PRKN: variants seen among roughly 807,000 people sequenced by gnomAD.
PRKN encodes the protein parkin RBR E3 ubiquitin protein ligase.
A neutral mutation model predicts 59.5 loss-of-function variants in PRKN; 56 were observed. The observed-to-expected ratio is 0.94, with a 90% CI of 0.76 to 1.18. PRKN has a LOEUF of 1.18. Ranked by LOEUF, PRKN falls within the 50% of genes most tolerant of loss-of-function variation. The pLI is 0.00. For missense variants in PRKN, 657 were observed against 596.4 expected, an observed-to-expected ratio of 1.10 and a Z score of -1.06; for synonymous variants, 250 against 222.1, an observed-to-expected ratio of 1.13 and a Z score of -1.12.
At chr6:162,251,280 G>GA (rs1779421413) in intron 3 of PRKN, among the ~76,000 whole-genome samples, 1 of 152,130 alleles carries the variant, frequency 6.6e-6, no homozygotes, top group Admixed American at 6.6e-5. Context: ...GGAGGATCAG[G>GA]AGACAGGAAA....
At chr6:162,485,820 T>C (rs1484449338) in intron 1 of PRKN, among the ~76,000 whole-genome samples, 1 of 152,218 alleles carries the variant, frequency 6.6e-6, no homozygotes, top group Non-Finnish European at 1.5e-5. Flanking sequence ...ACAGTCACAC[T>C]GACAGAAATG....
At chr6:162,386,682 G>A (rs1266735672) in intron 2 of PRKN, among the ~76,000 whole-genome samples, 3 of 152,202 alleles carry the variant, frequency 2.0e-5, no homozygotes, top group East Asian at 1.9e-4. Flanking sequence ...GTGTACGTAC[G>A]TGTGCACATA....
Position 161,454,179 on chromosome 6 carries a change from G to A in PRKN, c.1084-67302C>T, listed in dbSNP as rs575255058. On this transcript the variant is annotated intron_variant, in intron 9 of 11. Transcript: ENST00000366898. The surrounding 1 kb of genome is among the most constrained non-coding windows in gnomAD (Gnocchi z 4.6). ...CTAGGGTTGCCAGCAGCATTTTGGC[G>A]ATGTCCCCTTGGGTCACAGAACGGC... is the stretch of plus-strand genomic sequence containing the variant. Among the ~76,000 whole-genome samples the A allele has an allele frequency of 2.4e-4, 36 of 152,260 alleles. No homozygotes were observed. The highest frequency in any genetic ancestry group is 6.8e-3 in the Middle Eastern group (2 of 294).
intron 7 of PRKN, among the ~76,000 whole-genome samples, chr6:161,680,746 T>TATATATAC (rs1785295129): frequency 1.2e-4 from 1 of 8,582 alleles, no homozygotes; most frequent in Non-Finnish European, 2.8e-4. Flanking sequence ...TATATATATA[T>TATATATAC]ATATATATAT....
At chr6:162,623,409 A>C (rs2128221281) in intron 1 of PRKN, among the ~76,000 whole-genome samples, 1 of 152,330 alleles carries the variant, frequency 6.6e-6, no homozygotes, top group Non-Finnish European at 1.5e-5. Flanking sequence ...ACGCTCCAGA[A>C]TTTAAAGTTC....
chr6:162,520,146 G>C (rs1315029429), intron 1 of PRKN, among the ~76,000 whole-genome samples: 1 of 152,016 alleles, frequency 6.6e-6, no homozygotes, highest in Non-Finnish European at 1.5e-5. Context: ...TTTTGGATTT[G>C]CAAATCAGTT....
At chr6:161,680,775 A>ATATATATATTTTTT (rs1216235673) in intron 7 of PRKN, among the ~76,000 whole-genome samples, 1 of 30,622 alleles carries the variant, frequency 3.3e-5, no homozygotes, top group Admixed American at 5.1e-4. Context: ...ATATATATAT[A>ATATATATATTTTTT]TTTTTTTTTT....
chr6:162,113,190 G>A (rs1780516235), intron 4 of PRKN, among the ~76,000 whole-genome samples: 2 of 152,158 alleles, frequency 1.3e-5, no homozygotes, highest in Admixed American at 1.3e-4. Flanking sequence ...GAAATATCAT[G>A]TCTTTGCTGA....
At chr6:161,571,514 C>T (rs1037448531) in intron 7 of PRKN, among the ~76,000 whole-genome samples, 2 of 152,196 alleles carry the variant, frequency 1.3e-5, no homozygotes, top group Non-Finnish European at 2.9e-5. Flanking sequence ...CATTGCGATA[C>T]AGATTAGATC....
At chr6:161,517,531 G>C (rs1442541656) in intron 9 of PRKN, among the ~76,000 whole-genome samples, 1 of 151,890 alleles carries the variant, frequency 6.6e-6, no homozygotes, top group Non-Finnish European at 1.5e-5. Flanking sequence ...ACAAGGTCAG[G>C]AGATCAAGAC....
intron 4 of PRKN, among the ~76,000 whole-genome samples, chr6:162,186,061 T>C (rs889911480): frequency 2.0e-5 from 3 of 152,122 alleles, no homozygotes; most frequent in Non-Finnish European, 4.4e-5. Context: ...TATAGTTTTC[T>C]TGGGTGTAAA....
At chr6:161,862,679 G>A (rs962621149) in intron 6 of PRKN, among the ~76,000 whole-genome samples, 4 of 152,072 alleles carry the variant, frequency 2.6e-5, no homozygotes, top group African/African-American at 9.7e-5. Context: ...TGGCTGTGAG[G>A]TCCAGCTACA....
chr6:161,729,199 A>C (rs1471208153), intron 7 of PRKN, among the ~76,000 whole-genome samples: 1 of 152,216 alleles, frequency 6.6e-6, no homozygotes, highest in Non-Finnish European at 1.5e-5. Context: ...GTTTAATATT[A>C]TTCACATTGA....
chr6:162,512,190 C>T (rs1777653769), intron 1 of PRKN, among the ~76,000 whole-genome samples: 1 of 152,138 alleles, frequency 6.6e-6, no homozygotes, highest in South Asian at 2.1e-4. Flanking sequence ...ACAGCTTCTC[C>T]TTACTAAAAA....
intron 1 of PRKN, among the ~76,000 whole-genome samples, chr6:162,708,339 A>G (rs1778407755): frequency 6.6e-6 from 1 of 152,216 alleles, no homozygotes; most frequent in Admixed American, 6.5e-5. Context: ...ATAAACGGAG[A>G]TGAGTATTCA....
At chr6:162,693,399 G>T (rs2128235473) in intron 1 of PRKN, among the ~76,000 whole-genome samples, 1 of 152,268 alleles carries the variant, frequency 6.6e-6, no homozygotes, top group African/African-American at 2.4e-5. Flanking sequence ...TCTGCTTTTG[G>T]CAATAAAGGA....
At chr6:161,995,261 A>G (rs908002560) in intron 5 of PRKN, among the ~76,000 whole-genome samples, 4 of 152,276 alleles carry the variant, frequency 2.6e-5, no homozygotes, top group African/African-American at 9.6e-5. Context: ...ATCTCTCACT[A>G]TATGCAAAAA....
intron 1 of PRKN, among the ~76,000 whole-genome samples, chr6:162,450,350 C>CGCCCCTGTGATTGTAATCCCCT (rs1562774050): frequency 2.1e-5 from 2 of 97,358 alleles, no homozygotes; most frequent in African/African-American, 6.4e-5. Flanking sequence ...TGTAATCCCC[C>CGCCCCTGTGATTGTAATCCCCT]TGTGAATGTA....
At chr6:161,802,908 AATATGCC>A (rs1791150472) in intron 6 of PRKN, among the ~76,000 whole-genome samples, 1 of 152,136 alleles carries the variant, frequency 6.6e-6, no homozygotes, top group Non-Finnish European at 1.5e-5. Flanking sequence ...GTCACCCCAA[AATATGCC>A]ATTTTGGCCA....
Sources: allele counts gnomAD v4.1 joint callset (sites outside exome capture counted in the v4.1 genomes callset), GRCh38; gene constraint gnomAD v4.1.1; non-coding constraint Gnocchi (gnomAD v3.1); transcripts MANE v1.5; gene names NCBI Gene and HGNC (gene_info 2026-07-23, HGNC 2026-07-21).